The following CCT6B variants were observed in gnomAD, a reference collection of about 807,000 sequenced individuals.
The protein encoded by CCT6B is probable T-complex protein 1 subunit zeta-2.
In CCT6B, 49 loss-of-function variants were observed where a neutral mutation model predicts 61.5. The ratio of observed to expected loss-of-function variants is 0.80; its 90% CI spans 0.63 to 1.01. The LOEUF (loss-of-function observed/expected upper bound fraction) is 1.01, where lower values mean the gene tolerates loss of function less well. CCT6B is among the 50% of genes least tolerant of loss of function. The pLI, the probability that CCT6B is intolerant of heterozygous loss-of-function variation, is 0.00. For missense variants in CCT6B, 666 were observed against 634.7 expected, an observed-to-expected ratio of 1.05 and a Z score of -0.53; for synonymous variants, 228 against 214.5, an observed-to-expected ratio of 1.06 and a Z score of -0.55.
chr17:34,935,990 G>A lies in CCT6B; in HGVS notation c.1213+3193C>T, dbSNP rs902504233. ...AACAACAAGAAGTTTTACTCTTGTC[G>A]CCCAGGCTAAAGTCCAGTGGCACGA... On this transcript the variant is annotated intron_variant, in intron 10 of 13. Coordinates refer to ENST00000314144, the MANE Select transcript of CCT6B (RefSeq NM_006584.4). Among the ~76,000 whole-genome samples the A allele has an allele frequency of 5.9e-5, 9 of 151,524 alleles. 1 individual carries two copies. The highest frequency in any genetic ancestry group is 9.7e-5 in the African/African-American group (4 of 41,166).
At chr17:34,935,949 T>G (rs893898707) in intron 10 of CCT6B, among the ~76,000 whole-genome samples, 2 of 150,232 alleles carry the variant, frequency 1.3e-5, no homozygotes, top group Non-Finnish European at 1.5e-5. Flanking sequence ...GTGTGTGTGT[T>G]TTGACAAAAA....
chr17:34,942,944 A>C, intron 5 of CCT6B, 38 bp from the exon 6 acceptor site: 2 of 1,165,572 alleles, frequency 1.7e-6, no homozygotes, highest in Admixed American at 4.7e-5. Context: ...TTGAATATAT[A>C]CTCTAAAATT....
intron 13 of CCT6B, among the ~76,000 whole-genome samples, chr17:34,928,433 T>C (rs919063603): frequency 6.6e-6 from 1 of 151,896 alleles, no homozygotes; most frequent in African/African-American, 2.4e-5. Flanking sequence ...CCAACACGCC[T>C]GGCTAATTTT....
chr17:34,928,384 C>T (rs995998804), intron 13 of CCT6B, among the ~76,000 whole-genome samples: 6 of 151,824 alleles, frequency 4.0e-5, no homozygotes, highest in South Asian at 2.1e-4. Context: ...GCAATTCTCC[C>T]GCCTCAGCCT....
chr17:34,932,319 C>A, intron 11 of CCT6B, 48 bp downstream of exon 11: 1 of 1,527,740 alleles, frequency 6.5e-7, no homozygotes, highest in African/African-American at 1.4e-5. Context: ...TGTAATTAAA[C>A]ACCTTTATGT....
At chr17:34,959,084 A>T (rs570832352) in intron 2 of CCT6B, among the ~76,000 whole-genome samples, 1 of 150,506 alleles carries the variant, frequency 6.6e-6, no homozygotes, top group Admixed American at 6.6e-5. Flanking sequence ...CAAAGTATGT[A>T]TAAGTATACA....
chr17:34,957,950 T>C (rs920223242), intron 3 of CCT6B, among the ~76,000 whole-genome samples: 8 of 152,090 alleles, frequency 5.3e-5, no homozygotes, highest in Non-Finnish European at 1.0e-4. Context: ...TTTATAAAGG[T>C]GCATAATTTG....
At chr17:34,929,257 CCA>C (rs1436273927) in intron 12 of CCT6B, among the ~76,000 whole-genome samples, 1 of 152,080 alleles carries the variant, frequency 6.6e-6, no homozygotes, top group Non-Finnish European at 1.5e-5. Context: ...TTCCAGGATA[CCA>C]CACTCTTCTG....
At chr17:34,948,585 A>G (rs775840243) in intron 5 of CCT6B, among the ~76,000 whole-genome samples, 4 of 152,022 alleles carry the variant, frequency 2.6e-5, no homozygotes, top group Non-Finnish European at 5.9e-5. Flanking sequence ...GTTTTGGCAC[A>G]TGCCCGCAAT....
At chr17:34,931,789 T>C (rs1261484484) in intron 11 of CCT6B, among the ~76,000 whole-genome samples, 3 of 152,234 alleles carry the variant, frequency 2.0e-5, no homozygotes, top group Non-Finnish European at 2.9e-5. Flanking sequence ...AATAGCATCT[T>C]TGAAGTAGTT....
intron 4 of CCT6B, 23 bp from the exon 5 acceptor site, chr17:34,952,076 C>T (rs373031328): frequency 7.8e-6 from 11 of 1,416,180 alleles, no homozygotes; most frequent in African/African-American, 1.4e-5. Context: ...TGAATGAGAA[C>T]AGTTAAGTTA....
intron 5 of CCT6B, among the ~76,000 whole-genome samples, chr17:34,946,994 C>T (rs2090231278): frequency 6.6e-6 from 1 of 152,100 alleles, no homozygotes; most frequent in Admixed American, 6.5e-5. Flanking sequence ...AGTCATATTG[C>T]TATGATAGTT....
chr17:34,946,267 C>T (rs537152488), intron 5 of CCT6B, among the ~76,000 whole-genome samples: 1 of 152,090 alleles, frequency 6.6e-6, no homozygotes, highest in Non-Finnish European at 1.5e-5. Context: ...TCTACCAATA[C>T]GTTTTTCAAG....
Position 34,942,805 on chromosome 17 carries a change from T to C in CCT6B, c.716A>G (p.Tyr239Cys), listed in dbSNP as rs2090180810. 9 of 1,596,198 alleles carry C rather than the reference T, an allele frequency of 5.6e-6. No homozygotes were observed. Among genetic ancestry groups the C allele is most frequent in the Non-Finnish European group, 7.7e-6 (9 of 1,169,824 alleles). ...FILICNVSLE[Y>C]EKTEVNSGFF... Reference sequence around the variant, plus strand: ...AGAAAGTAACACGCACGTTTTTTCATATTCCAGTGAAACGTTGCAAATAAG... The same window carrying C: ...AGAAAGTAACACGCACGTTTTTTCACATTCCAGTGAAACGTTGCAAATAAG... Residue 239 changes from tyrosine to cysteine, a missense_variant, in exon 6 of 14, where the codon TAT (tyrosine) becomes TGT (cysteine). Coordinates refer to ENST00000314144, the MANE Select transcript of CCT6B (RefSeq NM_006584.4).
At chr17:34,949,069 G>GGGGAA (rs1356957516) in intron 5 of CCT6B, among the ~76,000 whole-genome samples, 7 of 42,608 alleles carry the variant, frequency 1.6e-4, no homozygotes, top group Non-Finnish European at 4.6e-4. Flanking sequence ...GGAAGGGAAG[G>GGGGAA]GGGAGGGGAG....
intron 10 of CCT6B, among the ~76,000 whole-genome samples, chr17:34,933,001 T>C (rs377372180): frequency 6.6e-6 from 1 of 152,134 alleles, no homozygotes; most frequent in Non-Finnish European, 1.5e-5. Context: ...AGGCTGGTCT[T>C]GAACTCCTGA....
At chr17:34,959,950 T>G (rs1453911747) in intron 1 of CCT6B, among the ~76,000 whole-genome samples, 1 of 152,216 alleles carries the variant, frequency 6.6e-6, no homozygotes, top group Non-Finnish European at 1.5e-5. Context: ...AATTCGCAAA[T>G]TTCCTGCAGG....
intron 5 of CCT6B, among the ~76,000 whole-genome samples, chr17:34,950,785 C>T (rs565551889): frequency 1.3e-5 from 2 of 152,086 alleles, no homozygotes; most frequent in South Asian, 4.1e-4. Flanking sequence ...AAAAATTAGG[C>T]AGGCGTGGTG....
chr17:34,942,578 C>T lies in CCT6B; in HGVS notation c.791G>A (p.Arg264Lys), dbSNP rs1280969813. 6.2e-7 allele frequency: 1 copy of T among 1,608,552 alleles called. No homozygotes were observed. Among genetic ancestry groups the T allele is most frequent in the South Asian group, 1.1e-5 (1 of 90,198 alleles). ...TTGTACTCTATCTTCAATAAATTTT[C>T]TTTCAGCTTTTACCAATTTCTCTTT... The part of the protein sequence containing the change: ...EEKEKLVKAE[R>K]KFIEDRVQKI... Residue 264 changes from arginine (R) to lysine (K), a missense_variant, in exon 7 of 14, where the codon AGA becomes AAA. Arg to Lys is a conservative substitution (Grantham distance 26). Transcript: ENST00000314144.
Sources: gnomAD v4.1 joint callset for allele counts (sites outside exome capture counted in the v4.1 genomes callset) on GRCh38, gnomAD v4.1.1 for gene constraint, MANE v1.5 for transcripts, NCBI Gene and HGNC (gene_info 2026-07-23, HGNC 2026-07-21) for gene names.